Variants in NKIRAS1 observed in about 807,000 individuals in gnomAD.
NKIRAS1 encodes the protein NFKB inhibitor interacting Ras like 1.
In NKIRAS1, 16 loss-of-function variants were observed where a neutral mutation model predicts 19.8. The ratio of observed to expected loss-of-function variants is 0.81; its 90% CI spans 0.55 to 1.23. The LOEUF is 1.23. NKIRAS1 is among the 50% of genes most tolerant of loss of function. NKIRAS1 has a pLI of 0.00. For missense variants in NKIRAS1, 184 were observed against 220.0 expected (o/e 0.84, Z 1.04); for synonymous variants, 88 against 79.0 (o/e 1.11, Z -0.61).
chr3:23,903,335 G>C (rs1485124679), intron 3 of NKIRAS1, among the ~76,000 whole-genome samples: 1 of 152,030 alleles, frequency 6.6e-6, no homozygotes, highest in Non-Finnish European at 1.5e-5. Flanking sequence ...GGCTGGTCTT[G>C]AACTCCTGAG....
intron 1 of NKIRAS1, among the ~76,000 whole-genome samples, chr3:23,941,291 T>G (rs564764379): frequency 2.4e-4 from 36 of 152,340 alleles, no homozygotes; most frequent in African/African-American, 8.7e-4. Flanking sequence ...TGGCCTATCT[T>G]ACTTGAGTTT....
chr3:23,937,345 G>GA (rs201460077), intron 1 of NKIRAS1, among the ~76,000 whole-genome samples: 8,802 of 151,494 alleles, frequency 0.058, 306 homozygotes, highest in Middle Eastern at 0.099. Flanking sequence ...AAAAGAAAAA[G>GA]AAAAAAAGAA....
chr3:23,900,690 G>A (rs1702444438), intron 4 of NKIRAS1, 118 bp downstream of exon 4: 9 of 702,472 alleles, frequency 1.3e-5, no homozygotes, highest in South Asian at 7.1e-5. Flanking sequence ...AAATTGTAAA[G>A]GTTTTACAGA....
intron 1 of NKIRAS1, among the ~76,000 whole-genome samples, chr3:23,938,351 G>A (rs1575134909): frequency 1.3e-5 from 2 of 151,820 alleles, no homozygotes; most frequent in Non-Finnish European, 2.9e-5. Context: ...CTGGGACCTC[G>A]GGCAGGAGCC....
chr3:23,906,641 T>G (rs1194838145), intron 3 of NKIRAS1, among the ~76,000 whole-genome samples: 1 of 147,892 alleles, frequency 6.8e-6, no homozygotes, highest in East Asian at 1.9e-4. Context: ...TTTTTCTTCC[T>G]TATGATTTTT....
At chr3:23,942,324 C>G (rs1370337810) in intron 1 of NKIRAS1, among the ~76,000 whole-genome samples, 1 of 152,108 alleles carries the variant, frequency 6.6e-6, no homozygotes, top group African/African-American at 2.4e-5. Flanking sequence ...CCTCCTGCCT[C>G]CACAAACGCA....
chr3:23,914,960 C>T (rs938859489), intron 1 of NKIRAS1, among the ~76,000 whole-genome samples: 6 of 152,208 alleles, frequency 3.9e-5, no homozygotes, highest in South Asian at 2.1e-4. Context: ...ACATACAGGG[C>T]TGCACTACTT....
At chr3:23,936,690 G>C (rs1559516848) in intron 1 of NKIRAS1, among the ~76,000 whole-genome samples, 1 of 152,152 alleles carries the variant, frequency 6.6e-6, no homozygotes, top group Non-Finnish European at 1.5e-5. Context: ...GGGACCACAG[G>C]TGCGTGCCAC....
intron 4 of NKIRAS1, among the ~76,000 whole-genome samples, chr3:23,895,984 A>C (rs1463963527): frequency 6.6e-6 from 1 of 151,706 alleles, no homozygotes; most frequent in African/African-American, 2.4e-5. Flanking sequence ...AATACAAAAA[A>C]AATAGCCGGG....
chr3:23,937,199 C>T (rs981813935), intron 1 of NKIRAS1, among the ~76,000 whole-genome samples: 10 of 151,766 alleles, frequency 6.6e-5, no homozygotes, highest in Admixed American at 5.3e-4. Context: ...GCCAATGTGG[C>T]GAAACCCAGT....
At chr3:23,918,907 A>G, upstream of NKIRAS1, 1 of 519,758 alleles carries the variant, frequency 1.9e-6, no homozygotes, top group East Asian at 3.2e-5. Context: ...GGAAAAAGAT[A>G]AGGTCCCCAA....
intron 3 of NKIRAS1, among the ~76,000 whole-genome samples, chr3:23,909,864 G>GTT (rs201671440): frequency 1.0e-3 from 138 of 135,506 alleles, no homozygotes; most frequent in Non-Finnish European, 1.3e-3. Flanking sequence ...GTTTTTTTTT[G>GTT]TTTTTTTTTT....
intron 3 of NKIRAS1, among the ~76,000 whole-genome samples, 183 bp from the exon 4 acceptor site, chr3:23,901,232 G>A (rs1260770226): frequency 6.8e-6 from 1 of 146,030 alleles, no homozygotes; most frequent in African/African-American, 2.6e-5. Context: ...AGGCTGAAGT[G>A]CAGTGGCTCG....
chr3:23,933,254 C>T (rs994415042), intron 1 of NKIRAS1, among the ~76,000 whole-genome samples: 2 of 152,232 alleles, frequency 1.3e-5, no homozygotes, highest in African/African-American at 4.8e-5. Flanking sequence ...ATCTCACACA[C>T]AGAAGTTATT....
intron 4 of NKIRAS1, among the ~76,000 whole-genome samples, chr3:23,895,474 C>A (rs1701887213): frequency 6.6e-6 from 1 of 152,122 alleles, no homozygotes; most frequent in South Asian, 2.1e-4. Flanking sequence ...TCCTTCCACC[C>A]CACTCATGTC....
At chr3:23,937,247 T>C (rs1205870839) in intron 1 of NKIRAS1, among the ~76,000 whole-genome samples, 2 of 151,942 alleles carry the variant, frequency 1.3e-5, no homozygotes, top group Non-Finnish European at 2.9e-5. Flanking sequence ...GGCGTGTGCC[T>C]GTAGTCCCAG....
chr3:23,933,581 TG>T (rs1705349227), intron 1 of NKIRAS1, among the ~76,000 whole-genome samples: 1 of 152,226 alleles, frequency 6.6e-6, no homozygotes, highest in African/African-American at 2.4e-5. Context: ...ATATCACATA[TG>T]GGGTTTGGGG....
In NKIRAS1 at chr3:23,935,365, A is replaced by C. The variant is rs1304094172; in HGVS notation, c.-140+10958T>G. Among the ~76,000 whole-genome samples the C allele has an allele frequency of 4.2e-5, 5 of 118,008 alleles. No homozygotes were observed. The South Asian group carries it at 9.0e-4, about 21-fold the overall frequency. The allele number at this position is 118,008 out of a possible 152,430, so 77.4% of individuals were successfully genotyped here. A position where few individuals can be genotyped will look rare whatever the true frequency, so the allele number is the denominator to read the frequency against. On this transcript the variant is annotated intron_variant, in intron 1 of 4. Coordinates refer to the NKIRAS1 transcript ENST00000421515. ...TATGAAAGAAAGGTGTTAATGGCCA[A>C]GGTTCTGATTAGACAAAAAAAAAAA...
rs1007838052 is a variant in NKIRAS1, at chr3:23,927,267, C to T, written c.-139-15817G>A. On this transcript the variant is annotated intron_variant, in intron 1 of 4. Transcript: ENST00000421515. The surrounding 1 kb of genome is among the most constrained non-coding windows in gnomAD (Gnocchi z 4.0). The stretch of plus-strand genomic sequence containing the variant: ...GAGTGCAGTGGCTCACGTCTGTAAT[C>T]CCAGCACTTTGGGAGGCCAAGGTGG... Among the ~76,000 whole-genome samples, 2 of 152,136 alleles carry T rather than the reference C, an allele frequency of 1.3e-5. No individual in the cohort carries two copies. The highest frequency in any genetic ancestry group is 2.9e-5 in the Non-Finnish European group (2 of 68,032).
Sources: allele counts gnomAD v4.1 joint callset (sites outside exome capture counted in the v4.1 genomes callset), GRCh38; gene constraint gnomAD v4.1.1; non-coding constraint Gnocchi (gnomAD v3.1); transcripts MANE v1.5; gene names NCBI Gene and HGNC (gene_info 2026-07-23, HGNC 2026-07-21).